UBE2F: variants seen among roughly 807,000 people sequenced by gnomAD.
The protein encoded by UBE2F is NEDD8-conjugating enzyme UBE2F.
Under a neutral mutation model 29.6 loss-of-function variants are expected in UBE2F, and 5 were observed. That is an observed-to-expected ratio of 0.17 (90% CI 0.09 to 0.36). The LOEUF is 0.36. Among genes scored for constraint, UBE2F ranks in the 10% least tolerant of loss-of-function variants. The pLI is 1.00. For synonymous variants in UBE2F, 66 were observed against 81.8 expected, an observed-to-expected ratio of 0.81 and a Z score of 1.04; for missense variants, 141 against 228.5, an observed-to-expected ratio of 0.62 and a Z score of 2.47.
intron 4 of UBE2F, among the ~76,000 whole-genome samples, chr2:238,010,365 G>A (rs1369834027): frequency 6.6e-6 from 1 of 152,134 alleles, no homozygotes; most frequent in Non-Finnish European, 1.5e-5. Flanking sequence ...GTATAGACGG[G>A]TTTCACCATG....
chr2:237,972,035 C>A (rs2063186256), intron 1 of UBE2F, among the ~76,000 whole-genome samples: 2 of 152,176 alleles, frequency 1.3e-5, no homozygotes, highest in Non-Finnish European at 1.5e-5. Context: ...CTTTGTTGTC[C>A]CTACTAGTGA....
intron 1 of UBE2F, among the ~76,000 whole-genome samples, chr2:237,971,390 T>G (rs2063173402): frequency 6.6e-6 from 1 of 152,194 alleles, no homozygotes; most frequent in South Asian, 2.1e-4. Context: ...TGGTGCAATC[T>G]TAGCTCACTG....
chr2:238,016,956 A>G (rs1401104201), intron 5 of UBE2F, among the ~76,000 whole-genome samples: 1 of 152,260 alleles, frequency 6.6e-6, no homozygotes. Flanking sequence ...TGTTCATGAT[A>G]TAACACCAAA....
intron 2 of UBE2F, among the ~76,000 whole-genome samples, chr2:237,977,255 G>A (rs1230495979): frequency 6.6e-6 from 1 of 152,138 alleles, no homozygotes; most frequent in Non-Finnish European, 1.5e-5. Context: ...AAGGAGAGGT[G>A]CAGAGCCAAC....
intron 4 of UBE2F, among the ~76,000 whole-genome samples, chr2:238,014,213 G>A (rs73999359): frequency 0.024 from 3,728 of 152,312 alleles, 150 homozygotes; most frequent in African/African-American, 0.085. Context: ...AAGTTGGACT[G>A]TGGAATTTCT....
intron 2 of UBE2F, 114 bp downstream of exon 2, chr2:237,973,339 G>C: frequency 8.3e-7 from 1 of 1,206,574 alleles, no homozygotes; most frequent in Non-Finnish European, 1.2e-6. Context: ...CTGTTTAAAA[G>C]ATTTTAAAAT....
intron 4 of UBE2F, among the ~76,000 whole-genome samples, chr2:237,999,185 C>T (rs1213804006): frequency 6.6e-6 from 1 of 151,798 alleles, no homozygotes; most frequent in Non-Finnish European, 1.5e-5. Flanking sequence ...CAGATTCAGG[C>T]GATTCTCAGG....
chr2:237,987,946 T>C lies in UBE2F; in HGVS notation c.119-17T>C. On this transcript the variant is annotated splice_polypyrimidine_tract_variant and intron_variant, in intron 2 of 9. Coordinates refer to ENST00000272930, the MANE Select transcript of UBE2F (RefSeq NM_080678.3). ...AGTAATTGACTAATATTAATAATAA[T>C]TTCTTTGTTTCTACAGAGGTTGCAG... is the stretch of plus-strand genomic sequence containing the variant. 1.4e-6 allele frequency: 2 copies of C among 1,438,982 alleles called. No homozygotes were observed. The highest frequency in any genetic ancestry group is 2.7e-5 in the South Asian group (2 of 75,124). 89.1% of individuals were successfully genotyped at this position (1,438,982 alleles called of 1,614,324 possible).
intron 5 of UBE2F, among the ~76,000 whole-genome samples, chr2:238,021,071 C>T (rs923296729): frequency 6.6e-5 from 10 of 152,180 alleles, no homozygotes; most frequent in Admixed American, 3.9e-4. Flanking sequence ...TCAGGTGCGT[C>T]GGTCAGGACT....
chr2:238,023,492 A>G (rs2106393844), intron 5 of UBE2F, among the ~76,000 whole-genome samples: 1 of 152,248 alleles, frequency 6.6e-6, no homozygotes, highest in East Asian at 1.9e-4. Flanking sequence ...CTTTATACAA[A>G]TAAATAAAAA....
intron 3 of UBE2F, among the ~76,000 whole-genome samples, chr2:237,988,889 T>A (rs1322015909): frequency 6.6e-6 from 1 of 152,190 alleles, no homozygotes; most frequent in Non-Finnish European, 1.5e-5. Context: ...CCATCTTGCT[T>A]GATTGTTTCT....
At chr2:238,035,600 C>T (rs986177276) in intron 8 of UBE2F, 17 of 323,042 alleles carry the variant, frequency 5.3e-5, no homozygotes, top group African/African-American at 1.3e-4. Flanking sequence ...GAAATGAATG[C>T]GATTGCAATT....
chr2:237,972,157 A>G (rs930456978), intron 1 of UBE2F, among the ~76,000 whole-genome samples: 4 of 152,236 alleles, frequency 2.6e-5, no homozygotes, highest in Non-Finnish European at 5.9e-5. Flanking sequence ...GCCAAAAAAT[A>G]TAAATAAAAC....
intron 5 of UBE2F, among the ~76,000 whole-genome samples, chr2:238,018,497 G>A (rs2064215336): frequency 6.6e-6 from 1 of 152,138 alleles, no homozygotes; most frequent in African/African-American, 2.4e-5. Context: ...ATGATTGAGA[G>A]CCTCTGTGTG....
chr2:237,971,005 G>T (rs2012673), intron 1 of UBE2F, among the ~76,000 whole-genome samples: 128,596 of 152,296 alleles, frequency 0.84, 54,407 homozygotes, highest in East Asian at 0.97. Flanking sequence ...GAGCCACCAT[G>T]CCTGGCCTGT....
intron 4 of UBE2F, among the ~76,000 whole-genome samples, chr2:238,005,537 T>C (rs2326002): frequency 0.86 from 130,456 of 151,938 alleles, 56,160 homozygotes; most frequent in East Asian, 0.97. Flanking sequence ...CTAGGTTTTA[T>C]GGTTAGGTCT....
At chr2:238,038,380 G>A (rs1328501793) in intron 9 of UBE2F, among the ~76,000 whole-genome samples, 1 of 152,206 alleles carries the variant, frequency 6.6e-6, no homozygotes, top group Non-Finnish European at 1.5e-5. Context: ...ATCCGTCGGT[G>A]GTCCTGATGG....
intron 2 of UBE2F, among the ~76,000 whole-genome samples, chr2:237,985,736 A>G (rs2063468307): frequency 6.6e-6 from 1 of 152,212 alleles, no homozygotes; most frequent in Non-Finnish European, 1.5e-5. Context: ...GCTGGGTGAT[A>G]TGGTAGTTCT....
At chr2:237,996,474 G>A (rs1445954249) in intron 4 of UBE2F, among the ~76,000 whole-genome samples, 2 of 93,530 alleles carry the variant, frequency 2.1e-5, no homozygotes, top group Admixed American at 9.3e-5. Flanking sequence ...CCTCCCCTCC[G>A]CGTTTTTTTT....
Sources: allele counts gnomAD v4.1 joint callset (sites outside exome capture counted in the v4.1 genomes callset), GRCh38; gene constraint gnomAD v4.1.1; transcripts MANE v1.5; gene names NCBI Gene and HGNC (gene_info 2026-07-23, HGNC 2026-07-21).